CCDC50: variants seen among roughly 807,000 people sequenced by gnomAD.
The protein encoded by CCDC50 is coiled-coil domain-containing protein 50.
In CCDC50, 54 loss-of-function variants were observed where a neutral mutation model predicts 70.2. The ratio of observed to expected loss-of-function variants is 0.77; its 90% CI spans 0.62 to 0.96. The LOEUF (loss-of-function observed/expected upper bound fraction) is 0.96. Among genes scored for constraint, CCDC50 ranks in the 50% least tolerant of loss-of-function variants. The pLI, the probability that CCDC50 is intolerant of heterozygous loss-of-function variation, is 0.00. For synonymous variants in CCDC50, 216 were observed against 198.8 expected, an observed-to-expected ratio of 1.09 and a Z score of -0.73; for missense variants, 558 against 578.7, an observed-to-expected ratio of 0.96 and a Z score of 0.37.
intron 1 of CCDC50, among the ~76,000 whole-genome samples, chr3:191,331,648 A>G (rs1057070206): frequency 1.3e-5 from 2 of 152,212 alleles, no homozygotes; most frequent in African/African-American, 2.4e-5. Flanking sequence ...TTCTAGTTCC[A>G]AGATCATCAA....
chr3:191,371,958 CA>C (rs1434472584), intron 5 of CCDC50, among the ~76,000 whole-genome samples: 2 of 152,112 alleles, frequency 1.3e-5, no homozygotes, highest in African/African-American at 4.8e-5. Flanking sequence ...GAGGTATATT[CA>C]CTGTAAACGT....
At chr3:191,364,356 C>T (rs563493633) in intron 4 of CCDC50, among the ~76,000 whole-genome samples, 11 of 150,906 alleles carry the variant, frequency 7.3e-5, no homozygotes, top group South Asian at 4.2e-4. Flanking sequence ...TACGAGCCAC[C>T]GCGCCCGGCC....
intron 5 of CCDC50, among the ~76,000 whole-genome samples, chr3:191,374,829 T>G (rs368540041): frequency 6.4e-4 from 98 of 152,208 alleles, no homozygotes; most frequent in African/African-American, 2.2e-3. Context: ...TCTTTCACAT[T>G]TGTTTCACTT....
intron 1 of CCDC50, among the ~76,000 whole-genome samples, chr3:191,346,945 T>C (rs1338774791): frequency 1.0e-5 from 1 of 98,464 alleles, no homozygotes; most frequent in Non-Finnish European, 2.6e-5. Context: ...TTGAGGAAAC[T>C]AGGAAGCCCA....
chr3:191,390,984 A>G (rs1300588887), intron 11 of CCDC50, among the ~76,000 whole-genome samples: 1 of 152,224 alleles, frequency 6.6e-6, no homozygotes, highest in Non-Finnish European at 1.5e-5. Context: ...AATGGTGAAA[A>G]GGTAGTTTCT....
chr3:191,334,511 T>G (rs1718081518), intron 1 of CCDC50, among the ~76,000 whole-genome samples: 1 of 152,228 alleles, frequency 6.6e-6, no homozygotes, highest in Non-Finnish European at 1.5e-5. Flanking sequence ...GCCAACTTCC[T>G]TATTTTCCAG....
At chr3:191,332,214 T>A (rs1330198388) in intron 1 of CCDC50, among the ~76,000 whole-genome samples, 1 of 152,210 alleles carries the variant, frequency 6.6e-6, no homozygotes, top group Non-Finnish European at 1.5e-5. Flanking sequence ...AAATCTTCTT[T>A]CCTAGGTTGA....
intron 1 of CCDC50, among the ~76,000 whole-genome samples, chr3:191,340,294 T>G (rs185174016): frequency 2.0e-5 from 3 of 152,348 alleles, no homozygotes; most frequent in Admixed American, 2.0e-4. Context: ...TATAATTTGC[T>G]TGCGCCTTAT....
chr3:191,379,310 C>T (rs1005609221), intron 6 of CCDC50, among the ~76,000 whole-genome samples: 1 of 152,032 alleles, frequency 6.6e-6, no homozygotes, highest in African/African-American at 2.4e-5. Flanking sequence ...GATTGACAAC[C>T]CCTGGCATAA....
rs538460388 is a variant in CCDC50, at chr3:191,386,515, G to A, written c.1323-2981G>A. ...GCTGCGATTACAGGCGTGAGCCACC[G>A]CGCCTGACCTGGACAGTTTAATAAT... On this transcript the variant is annotated intron_variant, in intron 10 of 11. Transcript: ENST00000392455. Among the ~76,000 whole-genome samples, 6 of 152,196 alleles carry A rather than the reference G, an allele frequency of 3.9e-5. No homozygotes were observed. The South Asian group carries it at 1.0e-3, about 26-fold the overall frequency.
At chr3:191,363,610 C>A (rs1174627174) in intron 4 of CCDC50, among the ~76,000 whole-genome samples, 4 of 152,116 alleles carry the variant, frequency 2.6e-5, no homozygotes, top group African/African-American at 9.7e-5. Context: ...CTGCCTAGGG[C>A]AAAATTAAAC....
chr3:191,355,794 A>AT (rs1194075879), intron 1 of CCDC50, among the ~76,000 whole-genome samples: 1 of 152,236 alleles, frequency 6.6e-6, no homozygotes, highest in African/African-American at 2.4e-5. Flanking sequence ...GCGAGGATTA[A>AT]GCAGGTTGTA....
chr3:191,384,725 G>T (rs1426673650), intron 10 of CCDC50, among the ~76,000 whole-genome samples: 1 of 151,924 alleles, frequency 6.6e-6, no homozygotes, highest in Non-Finnish European at 1.5e-5. Context: ...TTTTACAAGG[G>T]TATATTGTGT....
chr3:191,394,096 T>TGTTA lies in CCDC50; in HGVS notation c.*2339_*2342dup, dbSNP rs1713784536. ...CGGACCACTTAACACTTACCAGGAA[T>TGTTA]GTTAGTGTTTCAGCTGTTTTAGTAA... On this transcript the variant is annotated 3_prime_UTR_variant, in exon 12 of 12. Transcript: ENST00000392455. 1 of 152,140 alleles carries TGTTA rather than the reference T, an allele frequency of 6.6e-6. No homozygotes were observed. Among genetic ancestry groups the TGTTA allele is most frequent in the Non-Finnish European group, 1.5e-5 (1 of 68,002 alleles). The allele number at this position is 152,140 out of a possible 1,614,324, so 9.4% of individuals were successfully genotyped here.
rs1220480383 is a variant in CCDC50, at chr3:191,375,526, A to C, written c.913A>C (p.Arg305=). ...TGGGCAAGGTGAGCACAGAAAAAGG[A>C]GACACAGGCCCAGGACTCCTCCATT... ...DHGQGEHRKR[R]HRPRTPPFSE... Residue 305 remains arginine, a synonymous_variant, in exon 6 of 12, where the codon AGA becomes CGA. Transcript: ENST00000392455. 6.2e-7 allele frequency: 1 copy of C among 1,613,594 alleles called. No homozygotes were observed. Among genetic ancestry groups the C allele is most frequent in the Admixed American group, 1.7e-5 (1 of 59,922 alleles).
intron 1 of CCDC50, among the ~76,000 whole-genome samples, chr3:191,349,814 C>T (rs1712043429): frequency 7.1e-6 from 1 of 141,482 alleles, no homozygotes; most frequent in East Asian, 1.9e-4. Flanking sequence ...GACAGTGAGG[C>T]AAAGTAAACT....
intron 11 of CCDC50, among the ~76,000 whole-genome samples, chr3:191,390,234 C>G (rs192162887): frequency 3.3e-5 from 5 of 152,192 alleles, no homozygotes; most frequent in African/African-American, 9.6e-5. Flanking sequence ...TGTTTCCTAT[C>G]TGCCCATGAC....
intron 4 of CCDC50, among the ~76,000 whole-genome samples, chr3:191,368,725 A>G (rs753342629): frequency 1.1e-4 from 17 of 152,162 alleles, no homozygotes; most frequent in Non-Finnish European, 1.3e-4. Context: ...GATAAATATA[A>G]AGAAGTAAGT....
chr3:191,331,761 T>C (rs1039434523), intron 1 of CCDC50, among the ~76,000 whole-genome samples: 1 of 152,186 alleles, frequency 6.6e-6, no homozygotes, highest in Non-Finnish European at 1.5e-5. Context: ...CTAATATAAC[T>C]CTTAATTATG....
Sources: gnomAD v4.1 joint callset for allele counts (sites outside exome capture counted in the v4.1 genomes callset) on GRCh38, gnomAD v4.1.1 for gene constraint, MANE v1.5 for transcripts, NCBI Gene and HGNC (gene_info 2026-07-23, HGNC 2026-07-21) for gene names.